The following EFCAB7 variants were observed in gnomAD, a reference collection of about 807,000 sequenced individuals.
EFCAB7 encodes EF-hand calcium-binding domain-containing protein 7.
In EFCAB7, 66 loss-of-function variants were observed where a neutral mutation model predicts 77.1. The ratio of observed to expected loss-of-function variants is 0.86; its 90% CI spans 0.70 to 1.05. The LOEUF is 1.05. Among genes scored for constraint, EFCAB7 ranks in the 50% least tolerant of loss-of-function variants. EFCAB7 has a pLI of 0.00. For missense variants in EFCAB7, 638 were observed against 730.5 expected, an observed-to-expected ratio of 0.87 and a Z score of 1.46; for synonymous variants, 225 against 243.3, an observed-to-expected ratio of 0.92 and a Z score of 0.70.
At chr1:63,580,585 A>G in the EFCAB7 span, among the ~76,000 whole-genome samples, 1 of 152,162 alleles carries the variant, frequency 6.6e-6, no homozygotes. Context: ...TATAAATTTT[A>G]GAACTGGCTT....
Position 63,555,352 on chromosome 1 carries a change from G to A in EFCAB7, c.1057-6G>A, listed in dbSNP as rs889812211. On this transcript the variant is annotated splice_region_variant and splice_polypyrimidine_tract_variant and intron_variant, in intron 8 of 13. Transcript: ENST00000371088. The stretch of plus-strand genomic sequence containing the variant: ...TGATTGTTTTATTTCATTGTTTTGA[G>A]AAAAGGTGTTTGGATGGACTGGTGA... The A allele has an allele frequency of 6.2e-7, 1 of 1,602,276 alleles. No individual in the cohort carries two copies. The highest frequency in any genetic ancestry group is 1.7e-4 in the Middle Eastern group (1 of 5,956).
At chr1:63,540,627 C>G (rs1055809922) in intron 6 of EFCAB7, among the ~76,000 whole-genome samples, 2 of 152,062 alleles carry the variant, frequency 1.3e-5, no homozygotes, top group African/African-American at 2.4e-5. Flanking sequence ...CATATCTACC[C>G]CATACTGCCT....
chr1:63,577,153 A>AC (rs1255800874), downstream of EFCAB7, among the ~76,000 whole-genome samples: 1 of 151,484 alleles, frequency 6.6e-6, no homozygotes, highest in Non-Finnish European at 1.5e-5. Flanking sequence ...AAAAAAGAGT[A>AC]CTTTTTTTTT....
intron 6 of EFCAB7, among the ~76,000 whole-genome samples, chr1:63,541,296 A>G (rs1237529180): frequency 1.3e-5 from 2 of 152,162 alleles, no homozygotes; most frequent in African/African-American, 4.8e-5. Flanking sequence ...AACAATACTA[A>G]CCAAATAATG....
At chr1:63,573,906 C>A (rs1339802743), downstream of EFCAB7, among the ~76,000 whole-genome samples, 1 of 152,056 alleles carries the variant, frequency 6.6e-6, no homozygotes, top group Non-Finnish European at 1.5e-5. Flanking sequence ...ATACCAAGAG[C>A]CTGAGAAACT....
At chr1:63,582,825 G>C in the EFCAB7 span, among the ~76,000 whole-genome samples, 8 of 152,200 alleles carry the variant, frequency 5.3e-5, no homozygotes, top group South Asian at 1.0e-3. Flanking sequence ...GGCTGGTCTC[G>C]AACTTCTGAC....
At chr1:63,561,605 C>A in intron 10 of EFCAB7, 104 bp from the exon 11 acceptor site, 1 of 685,932 alleles carries the variant, frequency 1.5e-6, no homozygotes, top group Non-Finnish European at 2.1e-6. Context: ...ATTCATAGGC[C>A]TCTTTTAAAA....
chr1:63,558,558 T>C (rs545897444), intron 10 of EFCAB7, among the ~76,000 whole-genome samples: 1 of 152,186 alleles, frequency 6.6e-6, no homozygotes, highest in African/African-American at 2.4e-5. Context: ...CCAAGAGTTA[T>C]TGACTTGAAA....
intron 10 of EFCAB7, among the ~76,000 whole-genome samples, chr1:63,561,060 C>T (rs1027584142): frequency 3.3e-5 from 5 of 152,156 alleles, no homozygotes; most frequent in Non-Finnish European, 7.4e-5. Context: ...AGGAATTATG[C>T]ATGTCTAGAT....
intron 10 of EFCAB7, among the ~76,000 whole-genome samples, chr1:63,560,108 AC>A (rs1647078139): frequency 6.6e-6 from 1 of 151,768 alleles, no homozygotes; most frequent in African/African-American, 2.4e-5. Flanking sequence ...ACCCGCCACC[AC>A]GCCCGGCTAA....
chr1:63,552,385 T>C (rs1646976298), intron 8 of EFCAB7, among the ~76,000 whole-genome samples: 1 of 152,170 alleles, frequency 6.6e-6, no homozygotes, highest in African/African-American at 2.4e-5. Context: ...ATAAAAAAGG[T>C]TGATGCCAGT....
rs1281633145 is a variant in EFCAB7, at chr1:63,531,891, C to A, written c.259C>A (p.Leu87Met). 2 of 1,613,276 alleles carry A rather than the reference C, an allele frequency of 1.2e-6. No individual in the cohort carries two copies. Among genetic ancestry groups the A allele is most frequent in the South Asian group, 2.2e-5 (2 of 91,002 alleles). ...GTATTGGACTCCTCAAACTGCCAAA[C>A]TGAATTTTGATGATTTTTGTATAAT... ...NKYWTPQTAKLNFDDFCIILR... is the reference protein window; with the variant it reads ...NKYWTPQTAKMNFDDFCIILR... The change falls in exon 3 of 14, where the codon CTG (leucine) becomes ATG (methionine). Residue 87 changes from leucine (L) to methionine (M), a missense_variant. Physicochemically the swap from Leu to Met is conservative, Grantham distance 15. Transcript: ENST00000371088.
At chr1:63,570,055 A>G (rs1208361760) in intron 12 of EFCAB7, 1 of 152,208 alleles carries the variant, frequency 6.6e-6, no homozygotes, top group East Asian at 1.9e-4. Context: ...AGGCATTTAC[A>G]TATATTAGAG....
intron 6 of EFCAB7, among the ~76,000 whole-genome samples, chr1:63,545,392 T>A (rs980326551): frequency 6.6e-6 from 1 of 152,232 alleles, no homozygotes; most frequent in Non-Finnish European, 1.5e-5. Flanking sequence ...TAGGCACTAT[T>A]TTAGGAACTT....
downstream of EFCAB7, among the ~76,000 whole-genome samples, chr1:63,577,688 G>T (rs527794944): frequency 5.9e-5 from 9 of 152,274 alleles, no homozygotes; most frequent in East Asian, 1.7e-3. Context: ...TAAGTAGTAG[G>T]TGTCATCTCT....
chr1:63,527,534 G>C (rs1328388903), intron 2 of EFCAB7, among the ~76,000 whole-genome samples: 1 of 151,836 alleles, frequency 6.6e-6, no homozygotes, highest in African/African-American at 2.4e-5. Flanking sequence ...CAGGATTATA[G>C]ATGCATGTCA....
At chr1:63,582,100 T>C in the EFCAB7 span, among the ~76,000 whole-genome samples, 2 of 152,228 alleles carry the variant, frequency 1.3e-5, no homozygotes, top group Non-Finnish European at 2.9e-5. Flanking sequence ...CATGCTGTGA[T>C]GCTAAACTGT....
At chr1:63,546,763 T>C (rs1009026417) in intron 7 of EFCAB7, among the ~76,000 whole-genome samples, 3 of 152,180 alleles carry the variant, frequency 2.0e-5, no homozygotes, top group African/African-American at 7.2e-5. Flanking sequence ...AGGGGATAAT[T>C]TGGAACAATA....
At chr1:63,576,304 A>AGCCC (rs1466471453), downstream of EFCAB7, among the ~76,000 whole-genome samples, 1 of 150,650 alleles carries the variant, frequency 6.6e-6, no homozygotes. Context: ...ACATGGTGAA[A>AGCCC]CTCTGTCTCT....
Sources: allele counts gnomAD v4.1 joint callset (sites outside exome capture counted in the v4.1 genomes callset), GRCh38; gene constraint gnomAD v4.1.1; transcripts MANE v1.5; gene names NCBI Gene and HGNC (gene_info 2026-07-23, HGNC 2026-07-21).